The following RABGAP1L variants were observed in gnomAD, a reference collection of about 807,000 sequenced individuals.
RABGAP1L encodes the protein RAB GTPase activating protein 1 like, also known as rab GTPase-activating protein 1-like.
In RABGAP1L, 63 loss-of-function variants were observed where a neutral mutation model predicts 137.7. That is an observed-to-expected ratio of 0.46 (90% CI 0.37 to 0.56). The LOEUF (loss-of-function observed/expected upper bound fraction) is 0.56. Ranked by LOEUF, RABGAP1L falls within the 20% of genes least tolerant of loss-of-function variation. The pLI, the probability that RABGAP1L is intolerant of heterozygous loss-of-function variation, is 0.00. For missense variants in RABGAP1L, 1,095 were observed against 1,244.0 expected, an observed-to-expected ratio of 0.88 and a Z score of 1.80; for synonymous variants, 431 against 433.7, an observed-to-expected ratio of 0.99 and a Z score of 0.08.
chr1:174,167,285 A>AT (rs1169594894), intron 1 of RABGAP1L, among the ~76,000 whole-genome samples: 1 of 151,850 alleles, frequency 6.6e-6, no homozygotes. Flanking sequence ...TTCTGCCACC[A>AT]TTTTTTTTGT....
At chr1:174,407,939 A>G (rs1226378920) in intron 13 of RABGAP1L, among the ~76,000 whole-genome samples, 2 of 152,180 alleles carry the variant, frequency 1.3e-5, no homozygotes, top group Non-Finnish European at 2.9e-5. Context: ...ATTACACGGC[A>G]TTTCAAGCAG....
chr1:174,162,096 T>C (rs914005257), intron 1 of RABGAP1L, among the ~76,000 whole-genome samples: 5 of 152,054 alleles, frequency 3.3e-5, no homozygotes, highest in Non-Finnish European at 5.9e-5. Flanking sequence ...AGTTGCGATG[T>C]TCTGAGAATT....
chr1:174,411,397 G>A (rs2149131049), intron 13 of RABGAP1L, among the ~76,000 whole-genome samples: 1 of 152,158 alleles, frequency 6.6e-6, no homozygotes, highest in South Asian at 2.1e-4. Context: ...TTATTTTGAG[G>A]TATGTTGCTT....
intron 19 of RABGAP1L, among the ~76,000 whole-genome samples, chr1:174,835,423 T>C (rs1039853459): frequency 1.3e-5 from 2 of 152,336 alleles, no homozygotes; most frequent in East Asian, 3.9e-4. Context: ...CAATTTATAG[T>C]AAATTTCACT....
chr1:174,896,212 C>A (rs1351254254), intron 19 of RABGAP1L, among the ~76,000 whole-genome samples: 1 of 152,190 alleles, frequency 6.6e-6, no homozygotes, highest in African/African-American at 2.4e-5. Flanking sequence ...AGCATTTTTT[C>A]ATGTGTCTGT....
chr1:174,587,842 A>G (rs900518764), intron 13 of RABGAP1L, among the ~76,000 whole-genome samples: 2 of 152,070 alleles, frequency 1.3e-5, no homozygotes, highest in Admixed American at 6.6e-5. Context: ...AAACATTCCA[A>G]TTATACTCTT....
At chr1:174,969,249 C>T (rs1407430469) in intron 20 of RABGAP1L, 28 bp from the exon 21 acceptor site, 2 of 1,488,790 alleles carry the variant, frequency 1.3e-6, no homozygotes, top group Non-Finnish European at 9.2e-7. Flanking sequence ...GACACTAATG[C>T]CCACCTCTGG....
At chr1:174,637,256 T>A (rs1391596085) in intron 13 of RABGAP1L, 119 bp from the exon 14 acceptor site, 3 of 679,494 alleles carry the variant, frequency 4.4e-6, no homozygotes, top group Non-Finnish European at 7.5e-6. Context: ...AGAAGGGAAG[T>A]TTTTATGTTT....
At chr1:174,860,730 A>G (rs970132829) in intron 19 of RABGAP1L, among the ~76,000 whole-genome samples, 10 of 152,206 alleles carry the variant, frequency 6.6e-5, no homozygotes, top group Non-Finnish European at 1.5e-4. Flanking sequence ...AGTTATTCCA[A>G]AATGCTTATA....
intron 19 of RABGAP1L, among the ~76,000 whole-genome samples, chr1:174,828,811 A>G (rs1691835235): frequency 6.8e-6 from 1 of 148,008 alleles, no homozygotes; most frequent in South Asian, 2.2e-4. Context: ...TTCCTACACT[A>G]GAGCACCACT....
intron 18 of RABGAP1L, among the ~76,000 whole-genome samples, chr1:174,769,226 G>T (rs1280045221): frequency 6.6e-6 from 1 of 152,086 alleles, no homozygotes; most frequent in Non-Finnish European, 1.5e-5. Flanking sequence ...GGTGGAGGTG[G>T]CTAGACAATG....
intron 11 of RABGAP1L, among the ~76,000 whole-genome samples, chr1:174,350,046 C>A (rs1355736995): frequency 2.4e-5 from 3 of 125,376 alleles, no homozygotes; most frequent in Non-Finnish European, 5.2e-5. Context: ...CGGGCAGAGG[C>A]GCCCCTCACC....
chr1:174,286,797 A>G (rs528046226), intron 10 of RABGAP1L, among the ~76,000 whole-genome samples: 1 of 151,952 alleles, frequency 6.6e-6, no homozygotes, highest in Non-Finnish European at 1.5e-5. Flanking sequence ...CTTTTGACCC[A>G]TTGATTGCTC....
intron 10 of RABGAP1L, among the ~76,000 whole-genome samples, chr1:174,279,938 G>C (rs958896368): frequency 2.2e-4 from 34 of 151,988 alleles, no homozygotes; most frequent in African/African-American, 7.7e-4. Context: ...TGTATAGAAA[G>C]TTGTCATTCT....
chr1:174,414,197 G>C lies in RABGAP1L; in HGVS notation c.1710+20052G>C, dbSNP rs1650277318. On this transcript the variant is annotated intron_variant, in intron 13 of 25. Coordinates refer to ENST00000681986, the MANE Select transcript of RABGAP1L (RefSeq NM_001366446.1). ...TTTTTTGATATTTCTAGGCCACATGGTTGGCATGTTTTTCATGTTATCACA... is the reference window on the plus strand; with the variant it reads ...TTTTTTGATATTTCTAGGCCACATGCTTGGCATGTTTTTCATGTTATCACA... Among the ~76,000 whole-genome samples the C allele has an allele frequency of 4.6e-5, 7 of 151,858 alleles. No individual in the cohort carries two copies. The South Asian group carries it at 1.5e-3, about 32-fold the overall frequency.
intron 13 of RABGAP1L, among the ~76,000 whole-genome samples, chr1:174,499,851 A>T (rs764716942): frequency 6.6e-6 from 1 of 152,078 alleles, no homozygotes; most frequent in Non-Finnish European, 1.5e-5. Flanking sequence ...TCTGTTTTCA[A>T]TTTCTGTTCC....
intron 11 of RABGAP1L, among the ~76,000 whole-genome samples, chr1:174,369,040 G>C (rs1218370721): frequency 6.6e-6 from 1 of 152,156 alleles, no homozygotes. Flanking sequence ...ATTAGTTACT[G>C]TGGATCAGAA....
intron 11 of RABGAP1L, among the ~76,000 whole-genome samples, chr1:174,363,348 G>A (rs575049701): frequency 2.0e-5 from 3 of 152,280 alleles, no homozygotes; most frequent in South Asian, 2.1e-4. Flanking sequence ...AATAGAAATA[G>A]CATTGAATAT....
chr1:174,685,446 G>A (rs911964851), intron 15 of RABGAP1L, among the ~76,000 whole-genome samples: 20 of 152,004 alleles, frequency 1.3e-4, no homozygotes, highest in African/African-American at 4.6e-4. Context: ...GTAGAGATGG[G>A]GTTTCACCAT....
Sources: allele counts gnomAD v4.1 joint callset (sites outside exome capture counted in the v4.1 genomes callset), GRCh38; gene constraint gnomAD v4.1.1; transcripts MANE v1.5; gene names NCBI Gene and HGNC (gene_info 2026-07-23, HGNC 2026-07-21).